Variants in DNAH5 observed in about 807,000 individuals in gnomAD.
DNAH5 encodes dynein axonemal heavy chain 5.
Under a neutral mutation model 518.2 loss-of-function variants are expected in DNAH5, and 372 were observed. That is an observed-to-expected ratio of 0.72 (90% CI 0.66 to 0.78). The LOEUF (loss-of-function observed/expected upper bound fraction) is 0.78, where lower values mean the gene tolerates loss of function less well. DNAH5 is among the 30% of genes least tolerant of loss of function. The pLI is 0.00. For missense variants in DNAH5, 5,523 were observed against 5,687.0 expected (o/e 0.97, Z 0.93); for synonymous variants, 2,039 against 2,025.9 (o/e 1.01, Z -0.17).
chr5:13,909,253 A>G (rs761836508), intron 12 of DNAH5, among the ~76,000 whole-genome samples: 1 of 152,222 alleles, frequency 6.6e-6, no homozygotes, highest in Non-Finnish European at 1.5e-5. Context: ...GTACATACAT[A>G]CAAACATAAT....
chr5:13,888,169 C>A (rs34335149), intron 17 of DNAH5, among the ~76,000 whole-genome samples: 8 of 152,192 alleles, frequency 5.3e-5, no homozygotes, highest in African/African-American at 1.9e-4. Flanking sequence ...TGCAATCATT[C>A]TCCTTTTATT....
chr5:13,852,198 G>A (rs564015640), intron 30 of DNAH5, among the ~76,000 whole-genome samples: 17 of 152,096 alleles, frequency 1.1e-4, no homozygotes, highest in Middle Eastern at 3.4e-3. Context: ...ATGGAGTTTC[G>A]CTCTTTTTGC....
At chr5:13,924,675 C>CAAA (rs5866075) in intron 3 of DNAH5, among the ~76,000 whole-genome samples, 1 of 112,822 alleles carries the variant, frequency 8.9e-6, no homozygotes, top group Non-Finnish European at 1.9e-5. Context: ...AACTCCGTCT[C>CAAA]AAAAAAAAAA....
intron 47 of DNAH5, among the ~76,000 whole-genome samples, chr5:13,807,077 T>C (rs544406221): frequency 2.6e-5 from 4 of 152,312 alleles, no homozygotes; most frequent in South Asian, 4.1e-4. Context: ...TACGCAATCA[T>C]GCAGAAGTGG....
chr5:13,830,436 T>C lies in DNAH5; in HGVS notation c.6061+161A>G, dbSNP rs1763501928. ...ATATCAAAAAAAAGTCAGGAGGAAG[T>C]AACATTTGGTCCACACAACCTGGCA... On this transcript the variant is annotated intron_variant, in intron 36 of 78. Transcript: ENST00000265104. Among the ~76,000 whole-genome samples the C allele has an allele frequency of 3.3e-5, 5 of 152,128 alleles. No homozygotes were observed. In the South Asian group the frequency reaches 1.0e-3, roughly 31 times the overall value.
At chr5:13,820,990 C>T (rs1483275507) in intron 40 of DNAH5, among the ~76,000 whole-genome samples, 1 of 152,050 alleles carries the variant, frequency 6.6e-6, no homozygotes, top group Admixed American at 6.6e-5. Flanking sequence ...GTGGTGATAA[C>T]AGTTGCTCAA....
chr5:13,776,183 T>C (rs565798065), intron 55 of DNAH5, among the ~76,000 whole-genome samples: 1 of 152,300 alleles, frequency 6.6e-6, no homozygotes, highest in East Asian at 1.9e-4. Context: ...CTGGATGATG[T>C]TTTCCTCTTT....
At chr5:13,742,270 T>C (rs1365256971) in intron 65 of DNAH5, among the ~76,000 whole-genome samples, 2 of 152,126 alleles carry the variant, frequency 1.3e-5, no homozygotes, top group Non-Finnish European at 2.9e-5. Context: ...CCAGGTCTTA[T>C]CAATTCTTGC....
At chr5:13,753,181 C>G (rs2126699889) in intron 63 of DNAH5, 52 bp downstream of exon 63, 2 of 1,393,680 alleles carry the variant, frequency 1.4e-6, no homozygotes, top group Non-Finnish European at 2.0e-6. Context: ...TTTTGTTTAT[C>G]TGAGGCAATA....
At chr5:14,006,996 G>T (rs936639081) in intron 1 of DNAH5, among the ~76,000 whole-genome samples, 4 of 152,112 alleles carry the variant, frequency 2.6e-5, no homozygotes, top group Admixed American at 6.5e-5. Flanking sequence ...TTCCTCCTCT[G>T]GCCTCTCCTG....
chr5:13,911,094 CG>C (rs1775931183), intron 12 of DNAH5, among the ~76,000 whole-genome samples: 4 of 152,284 alleles, frequency 2.6e-5, no homozygotes, highest in Admixed American at 2.6e-4. Flanking sequence ...ACATTCCAAT[CG>C]TGCCGCAATG....
At chr5:13,872,865 G>A (rs999121523) in intron 22 of DNAH5, among the ~76,000 whole-genome samples, 3 of 152,010 alleles carry the variant, frequency 2.0e-5, no homozygotes, top group Admixed American at 2.0e-4. Flanking sequence ...CTTTGCATAT[G>A]GTTCTCACTC....
intron 32 of DNAH5, among the ~76,000 whole-genome samples, chr5:13,844,063 G>A (rs896173839): frequency 2.6e-5 from 4 of 152,136 alleles, no homozygotes; most frequent in Non-Finnish European, 5.9e-5. Context: ...GAATGGAATA[G>A]CTCTAACACT....
upstream of DNAH5, among the ~76,000 whole-genome samples, chr5:13,945,429 G>A (rs1779831480): frequency 6.6e-6 from 1 of 152,182 alleles, no homozygotes. Flanking sequence ...TGTGGAGCCT[G>A]ACTTGGAAGG....
intron 55 of DNAH5, among the ~76,000 whole-genome samples, chr5:13,775,174 A>AT (rs1753909480): frequency 7.4e-6 from 1 of 135,486 alleles, no homozygotes; most frequent in South Asian, 2.3e-4. Context: ...TTATATTTAC[A>AT]TTTTTATGGG....
intron 1 of DNAH5, among the ~76,000 whole-genome samples, chr5:13,953,288 T>C (rs1174249916): frequency 1.3e-5 from 2 of 152,198 alleles, no homozygotes. Flanking sequence ...TATATATATA[T>C]ACATTTCTAT....
intron 65 of DNAH5, among the ~76,000 whole-genome samples, chr5:13,741,757 GA>G (rs1748579941): frequency 6.6e-6 from 1 of 152,134 alleles, no homozygotes; most frequent in African/African-American, 2.4e-5. Context: ...GGTAAGGGAA[GA>G]AAAGTAAAGC....
At chr5:13,793,367 G>A in intron 49 of DNAH5, 148 bp downstream of exon 49, 1 of 706,056 alleles carries the variant, frequency 1.4e-6, no homozygotes, top group South Asian at 1.5e-5. Flanking sequence ...TATAGGAAAT[G>A]AAATACACTG....
chr5:13,844,790 G>A (rs199781321), intron 32 of DNAH5, 47 bp downstream of exon 32: 20 of 1,612,728 alleles, frequency 1.2e-5, no homozygotes, highest in Admixed American at 1.7e-5. Flanking sequence ...GACAGTTGAG[G>A]TTCGAAGGTA....
Sources: gnomAD v4.1 joint callset for allele counts (sites outside exome capture counted in the v4.1 genomes callset) on GRCh38, gnomAD v4.1.1 for gene constraint, MANE v1.5 for transcripts, NCBI Gene and HGNC (gene_info 2026-07-23, HGNC 2026-07-21) for gene names.